The following BRCA1 variants were observed in gnomAD, a reference collection of about 807,000 sequenced individuals.
BRCA1 encodes BRCA1 DNA repair associated, also known as breast cancer type 1 susceptibility protein.
A neutral mutation model predicts 173.7 loss-of-function variants in BRCA1; 140 were observed. That is an observed-to-expected ratio of 0.81 (90% confidence interval 0.70 to 0.93). The LOEUF is 0.93. Ranked by LOEUF, BRCA1 falls within the 40% of genes least tolerant of loss-of-function variation. BRCA1 has a pLI of 0.00. For missense variants in BRCA1, 1,983 were observed against 2,172.5 expected (o/e 0.91, Z 1.73); for synonymous variants, 662 against 756.0 (o/e 0.88, Z 2.04).
intron 1 of BRCA1, chr17:43,138,559 C>G: frequency 1.4e-6 from 1 of 690,570 alleles, no homozygotes; most frequent in Non-Finnish European, 2.7e-6. Flanking sequence ...GCCAGGACAC[C>G]TCCAAGTATA....
chr17:43,055,346 G>A (rs1356833644), intron 19 of BRCA1, among the ~76,000 whole-genome samples: 2 of 152,164 alleles, frequency 1.3e-5, no homozygotes, highest in African/African-American at 2.4e-5. Flanking sequence ...TAGTATTGTT[G>A]TTAAGAGTTT....
chr17:43,101,891 C>T (rs2054491491), intron 6 of BRCA1, among the ~76,000 whole-genome samples: 1 of 152,040 alleles, frequency 6.6e-6, no homozygotes, highest in African/African-American at 2.4e-5. Flanking sequence ...ACAATTACAC[C>T]TTTTAAGTTC....
intron 9 of BRCA1, 129 bp downstream of exon 9, chr17:43,095,717 A>G (rs762477679): frequency 4.8e-4 from 376 of 777,974 alleles, no homozygotes; most frequent in Non-Finnish European, 7.6e-4. Context: ...AGAGAATGAT[A>G]CTCTAACTCT....
chr17:43,124,169 T>TG, intron 1 of BRCA1, 54 bp from the exon 2 acceptor site: 3 of 1,030,900 alleles, frequency 2.9e-6, no homozygotes, highest in Non-Finnish European at 4.3e-6. Context: ...GTTTATAAAA[T>TG]GACAACTTCA....
chr17:43,057,730 G>A (rs1263869619), intron 18 of BRCA1, among the ~76,000 whole-genome samples: 1 of 151,598 alleles, frequency 6.6e-6, no homozygotes, highest in Non-Finnish European at 1.5e-5. Flanking sequence ...CAGCTACTCG[G>A]GAGGCTGAGG....
chr17:43,046,659 G>T (rs1180072851), intron 22 of BRCA1, among the ~76,000 whole-genome samples: 1 of 151,254 alleles, frequency 6.6e-6, no homozygotes, highest in African/African-American at 2.4e-5. Flanking sequence ...TGAGGCTGAG[G>T]CAGGAGAATC....
Position 43,094,823 on chromosome 17 carries a change from A to T in BRCA1, c.708T>A (p.Thr236=), listed in dbSNP as rs2154496753. The T allele has an allele frequency of 6.2e-7, 1 of 1,613,732 alleles. No homozygotes were observed. Among genetic ancestry groups the T allele is most frequent in the Non-Finnish European group, 8.5e-7 (1 of 1,179,908 alleles). The change falls in exon 10 of 23, where the codon ACT becomes ACA. Residue 236 remains threonine, a synonymous_variant. Transcript: ENST00000357654. Reference sequence around the variant, plus strand: ...CATTATTACTGGGTTGATGATGTTCAGTATTTGTTACATCCGTCTCAGAAA... The same window carrying T: ...CATTATTACTGGGTTGATGATGTTCTGTATTTGTTACATCCGTCTCAGAAA... ...CEFSETDVTN[T]EHHQPSNNDL...
At chr17:43,152,934 CTGAGGCAGGAGAATCCCT>C (rs1402464819) in intron 1 of BRCA1, among the ~76,000 whole-genome samples, 1 of 152,084 alleles carries the variant, frequency 6.6e-6, no homozygotes, top group African/African-American at 2.4e-5. Flanking sequence ...ACTCGAGAGG[CTGAGGCAGGAGAATCCCT>C]TGAACCCAGG....
At chr17:43,078,432 A>G (rs1230147190) in intron 12 of BRCA1, among the ~76,000 whole-genome samples, 1 of 152,186 alleles carries the variant, frequency 6.6e-6, no homozygotes, top group East Asian at 1.9e-4. Flanking sequence ...TTGGCATCTC[A>G]CAGTGCTGGG....
chr17:43,079,402 G>GT (rs2052896802), intron 12 of BRCA1: 1 of 1,595,068 alleles, frequency 6.3e-7, no homozygotes, highest in African/African-American at 1.3e-5. Context: ...ATGCGAATCT[G>GT]TAAGAAAGGT....
chr17:43,157,110 CAAAAATGTT>C (rs1194030464), intron 1 of BRCA1, among the ~76,000 whole-genome samples: 1 of 152,126 alleles, frequency 6.6e-6, no homozygotes. Context: ...TTCTGAAAGT[CAAAAATGTT>C]ACAGTCATAG....
intron 1 of BRCA1, among the ~76,000 whole-genome samples, chr17:43,153,285 T>A (rs1484847257): frequency 6.6e-6 from 1 of 152,078 alleles, no homozygotes; most frequent in Non-Finnish European, 1.5e-5. Flanking sequence ...AAAACCCAAT[T>A]TCCCCTGAGA....
chr17:43,112,045 G>A (rs1284919948), intron 3 of BRCA1, among the ~76,000 whole-genome samples: 1 of 151,778 alleles, frequency 6.6e-6, no homozygotes, highest in Non-Finnish European at 1.5e-5. Flanking sequence ...TGATATTACA[G>A]AAGAGATTTC....
intron 12 of BRCA1, among the ~76,000 whole-genome samples, chr17:43,080,581 G>A (rs376657193): frequency 1.3e-5 from 2 of 152,158 alleles, no homozygotes; most frequent in East Asian, 3.9e-4. Context: ...GAGGTGAGAG[G>A]ACTGCTTGAG....
At position 43,091,847 on chromosome 17, in the gene BRCA1, G is replaced by A. The variant is rs786201623; in HGVS notation, c.3684C>T (p.His1228=). 1.2e-5 allele frequency: 20 copies of A among 1,614,066 alleles called. No individual in the cohort carries two copies. Among genetic ancestry groups the A allele is most frequent in the African/African-American group, 4.0e-5 (3 of 74,924 alleles). The change falls in exon 10 of 23, where the codon CAC becomes CAT. Residue 1228 remains histidine (H), a synonymous_variant. Coordinates refer to ENST00000357654, the MANE Select transcript of BRCA1 (RefSeq NM_007294.4). The part of the protein sequence containing the change: ...SEDEELPCFQ[H]LLFGKVNNIP... ...TATTGTTTACTTTACCAAATAACAA[G>A]TGTTGGAAGCAGGGAAGCTCTTCAT...
intron 16 of BRCA1, among the ~76,000 whole-genome samples, chr17:43,065,343 T>G (rs1258483390): frequency 6.6e-6 from 1 of 152,068 alleles, no homozygotes; most frequent in African/African-American, 2.4e-5. Context: ...GGGGTTTAGA[T>G]CCTCTCCTTA....
chr17:43,076,359 A>G, intron 13 of BRCA1, 129 bp downstream of exon 13: 1 of 1,104,544 alleles, frequency 9.1e-7, no homozygotes, highest in Admixed American at 1.9e-5. Flanking sequence ...AGTATCCTAG[A>G]GCAATAAAAG....
chr17:43,086,107 CAT>C (rs1012853403), intron 11 of BRCA1, among the ~76,000 whole-genome samples: 10 of 139,906 alleles, frequency 7.1e-5, no homozygotes, highest in East Asian at 4.2e-4. Context: ...TTATCACATA[CAT>C]ACACACACAC....
upstream of BRCA1, among the ~76,000 whole-genome samples, chr17:43,129,696 G>C (rs1290920479): frequency 6.6e-6 from 1 of 152,252 alleles, no homozygotes; most frequent in Non-Finnish European, 1.5e-5. Context: ...GGATGACCTC[G>C]ATCTCCTGAC....
Sources: gnomAD v4.1 joint callset for allele counts (sites outside exome capture counted in the v4.1 genomes callset) on GRCh38, gnomAD v4.1.1 for gene constraint, MANE v1.5 for transcripts, NCBI Gene and HGNC (gene_info 2026-07-23, HGNC 2026-07-21) for gene names.